The following CDH3 variants were observed in gnomAD, a reference collection of about 807,000 sequenced individuals.
CDH3 encodes cadherin 3.
In CDH3, 54 loss-of-function variants were observed where a neutral mutation model predicts 82.0. That is an observed-to-expected ratio of 0.66 (90% CI 0.53 to 0.83). The LOEUF is 0.83. CDH3 is among the 40% of genes least tolerant of loss of function. CDH3 has a pLI of 0.00. For synonymous variants in CDH3, 446 were observed against 437.9 expected, an observed-to-expected ratio of 1.02 and a Z score of -0.23; for missense variants, 1,054 against 1,084.6, an observed-to-expected ratio of 0.97 and a Z score of 0.40.
At chr16:68,673,231 A>T (rs1960935542) in intron 2 of CDH3, among the ~76,000 whole-genome samples, 1 of 152,184 alleles carries the variant, frequency 6.6e-6, no homozygotes, top group Non-Finnish European at 1.5e-5. Context: ...TTCCAAAGTG[A>T]TTGTCTTCCC....
At chr16:68,684,436 T>G in intron 9 of CDH3, 147 bp from the exon 10 acceptor site, 2 of 906,814 alleles carry the variant, frequency 2.2e-6, no homozygotes, top group South Asian at 1.3e-5. Context: ...CACGGGAGTG[T>G]TTATGTTACA....
intron 2 of CDH3, among the ~76,000 whole-genome samples, chr16:68,661,797 T>G (rs1041443927): frequency 2.6e-5 from 4 of 152,252 alleles, no homozygotes; most frequent in African/African-American, 9.6e-5. Flanking sequence ...CAAGCTATTC[T>G]CCTGCCTCAG....
chr16:68,652,500 G>A (rs938285569), intron 2 of CDH3, among the ~76,000 whole-genome samples: 1 of 152,164 alleles, frequency 6.6e-6, no homozygotes, highest in African/African-American at 2.4e-5. Flanking sequence ...GAGGAGGGAG[G>A]AAGGGCCTCC....
chr16:68,669,451 C>G (rs1960826442), intron 2 of CDH3, among the ~76,000 whole-genome samples: 1 of 152,058 alleles, frequency 6.6e-6, no homozygotes, highest in Admixed American at 6.6e-5. Flanking sequence ...GACACTGTCC[C>G]TTCTACAAAT....
chr16:68,653,181 C>T (rs551486088), intron 2 of CDH3, among the ~76,000 whole-genome samples: 117 of 152,036 alleles, frequency 7.7e-4, no homozygotes, highest in Non-Finnish European at 1.1e-3. Context: ...TGATTTTCAT[C>T]TGGCCCTATG....
chr16:68,654,713 A>AATAT (rs1555504519), intron 2 of CDH3, among the ~76,000 whole-genome samples: 4 of 91,106 alleles, frequency 4.4e-5, no homozygotes, highest in East Asian at 4.7e-4. Context: ...AAAAAAAAAA[A>AATAT]ATATATATAT....
chr16:68,725,086 T>C (rs1962204979), intron 2 of CDH3, among the ~76,000 whole-genome samples: 2 of 152,034 alleles, frequency 1.3e-5, no homozygotes, highest in Admixed American at 6.6e-5. Flanking sequence ...CAGCACCTTA[T>C]CTATTGTTCT....
At chr16:68,730,983 G>GCA (rs1962275784), downstream of CDH3, among the ~76,000 whole-genome samples, 1 of 109,632 alleles carries the variant, frequency 9.1e-6, no homozygotes, top group Admixed American at 1.4e-4. Flanking sequence ...TTTTACCATT[G>GCA]CACTCCAGCC....
At chr16:68,723,261 A>G (rs967782187) in intron 2 of CDH3, among the ~76,000 whole-genome samples, 1 of 152,068 alleles carries the variant, frequency 6.6e-6, no homozygotes, top group African/African-American at 2.4e-5. Context: ...GCAATTCCCA[A>G]TTTTTAATAG....
At chr16:68,701,826 C>T (rs1961900498), downstream of CDH3, among the ~76,000 whole-genome samples, 7 of 151,552 alleles carry the variant, frequency 4.6e-5, no homozygotes, top group Admixed American at 4.6e-4. Flanking sequence ...GAGTTCGAGA[C>T]CAGCCTGGCC....
At chr16:68,703,356 G>A (rs773738308), downstream of CDH3, among the ~76,000 whole-genome samples, 4 of 152,184 alleles carry the variant, frequency 2.6e-5, no homozygotes, top group Non-Finnish European at 4.4e-5. Context: ...GACCCAGCCC[G>A]GGGACTGCTG....
At chr16:68,688,921 A>G (rs1471160526) in intron 12 of CDH3, among the ~76,000 whole-genome samples, 1 of 152,156 alleles carries the variant, frequency 6.6e-6, no homozygotes, top group African/African-American at 2.4e-5. Flanking sequence ...CACCTGGCCT[A>G]TCAGGATTTT....
In CDH3 at chr16:68,678,885, G is replaced by A. The variant is rs759427575; in HGVS notation, c.670G>A (p.Val224Ile). 4 of 1,613,962 alleles carry A rather than the reference G, an allele frequency of 2.5e-6. No homozygotes were observed. The highest frequency in any genetic ancestry group is 3.4e-6 in the Non-Finnish European group (4 of 1,180,034). The change falls in exon 6 of 16, where the codon GTC becomes ATC. Residue 224 changes from valine to isoleucine, a missense_variant. Coordinates refer to ENST00000264012, the MANE Select transcript of CDH3 (RefSeq NM_001793.6). ...KFTQDTFRGSVLEGVLPGTSV... is the reference protein window; with the variant it reads ...KFTQDTFRGSILEGVLPGTSV... ...TACCCAGGACACCTTCCGAGGGAGTGTCTTAGAGGGAGTCCTACCAGGTAA... is the reference window on the plus strand; with the variant it reads ...TACCCAGGACACCTTCCGAGGGAGTATCTTAGAGGGAGTCCTACCAGGTAA...
In CDH3 at chr16:68,707,098, T is replaced by G. The variant is rs1048737184; in HGVS notation, c.99+11175T>G. Reference sequence around the variant, plus strand: ...AAGGCACTGCTGGGAAGGTGGCATTTGGACAAAGACTGGAGGCTATCAGGG... The same window carrying G: ...AAGGCACTGCTGGGAAGGTGGCATTGGGACAAAGACTGGAGGCTATCAGGG... On this transcript the variant is annotated intron_variant, in intron 1 of 2. Transcript: ENST00000569080. The surrounding 1 kb of genome is among the most constrained non-coding windows in gnomAD (Gnocchi z 4.5). Among the ~76,000 whole-genome samples the G allele has an allele frequency of 1.7e-4, 26 of 152,156 alleles. No individual in the cohort carries two copies. Among genetic ancestry groups the G allele is most frequent in the Admixed American group, 6.5e-5 (1 of 15,276 alleles).
intron 13 of CDH3, among the ~76,000 whole-genome samples, chr16:68,693,920 C>G (rs1961639473): frequency 6.6e-6 from 1 of 152,120 alleles, no homozygotes; most frequent in South Asian, 2.1e-4. Context: ...AATAGCCTGC[C>G]AGCCTTTCAG....
At chr16:68,654,713 A>ATAT (rs1555504518) in intron 2 of CDH3, among the ~76,000 whole-genome samples, 105 of 91,096 alleles carry the variant, frequency 1.2e-3, no homozygotes, top group Non-Finnish European at 1.5e-3. Flanking sequence ...AAAAAAAAAA[A>ATAT]ATATATATAT....
chr16:68,701,404 C>T (rs777579140), downstream of CDH3, among the ~76,000 whole-genome samples: 28 of 152,190 alleles, frequency 1.8e-4, no homozygotes, highest in Non-Finnish European at 3.7e-4. Flanking sequence ...AAGACACCAG[C>T]GCTAACCACG....
At position 68,680,966 on chromosome 16, in the gene CDH3, AG is replaced by A. The variant is rs1391995772; in HGVS notation, c.868-1del. On this transcript the variant is annotated splice_acceptor_variant, in intron 7 of 15. Transcript: ENST00000264012. LOFTEE classifies it high-confidence loss of function. ...TGGGCTTCCCCTCTCCTTTCTCCCC[AG>A]AAAGTCCCTGAGTACACACTGACCA... 6.2e-7 allele frequency: 1 copy of A among 1,613,972 alleles called. No individual in the cohort carries two copies.
chr16:68,678,950 C>A (rs1161850918), intron 6 of CDH3, 44 bp downstream of exon 6: 3 of 1,595,256 alleles, frequency 1.9e-6, no homozygotes, highest in East Asian at 2.2e-5. Flanking sequence ...TGGGCCCACA[C>A]CCTTAAATGC....
Sources: allele counts gnomAD v4.1 joint callset (sites outside exome capture counted in the v4.1 genomes callset), GRCh38; gene constraint gnomAD v4.1.1; non-coding constraint Gnocchi (gnomAD v3.1); transcripts MANE v1.5; gene names NCBI Gene and HGNC (gene_info 2026-07-23, HGNC 2026-07-21).